KIAA1210: variants seen among roughly 807,000 people sequenced by gnomAD.
The protein encoded by KIAA1210 is acrosomal protein KIAA1210.
KIAA1210 carries 48 observed loss-of-function variants against 78.9 expected under a neutral mutation model. That is an observed-to-expected ratio of 0.61 (90% CI 0.48 to 0.77). The LOEUF (loss-of-function observed/expected upper bound fraction) is 0.77, where lower values mean the gene tolerates loss of function less well. Ranked by LOEUF, KIAA1210 falls within the 30% of genes least tolerant of loss-of-function variation. The probability of loss-of-function intolerance (pLI) is 0.00; values close to 1 mark genes in which losing one functional copy is unlikely to be tolerated. For missense variants in KIAA1210, 1,108 were observed against 1,100.0 expected (o/e 1.01, Z -0.10); for synonymous variants, 406 against 404.5 (o/e 1.00, Z -0.04).
intron 1 of KIAA1210, among the ~76,000 whole-genome samples, chrX:119,148,390 C>A (rs1241378407): frequency 9.0e-6 from 1 of 111,597 alleles, no homozygotes; most frequent in Non-Finnish European, 1.9e-5. Flanking sequence ...CTCTGGGGCC[C>A]ACTTTGTTTA....
At chrX:119,147,745 G>A (rs1182414686) in intron 1 of KIAA1210, among the ~76,000 whole-genome samples, 2 of 112,882 alleles carry the variant, frequency 1.8e-5, no homozygotes, top group Non-Finnish European at 3.7e-5. Flanking sequence ...GCCTGGAGAA[G>A]ACAGGCTTGG....
chrX:119,092,557 T>G (rs2316006), intron 8 of KIAA1210, among the ~76,000 whole-genome samples: 9 of 110,444 alleles, frequency 8.1e-5, no homozygotes, highest in African/African-American at 2.3e-4. Context: ...GTCAGGAGAT[T>G]GAGATCATCC....
chrX:119,117,876 G>T (rs900444178), intron 2 of KIAA1210, among the ~76,000 whole-genome samples: 1 of 111,324 alleles, frequency 9.0e-6, no homozygotes, highest in African/African-American at 3.3e-5. Context: ...GCCTCCCAAA[G>T]TGCTACAATT....
At position 119,108,323 on chromosome X, in the gene KIAA1210, T is replaced by C. The variant is rs761920700; in HGVS notation, c.492+14A>G. 2 of 1,203,887 alleles carry C rather than the reference T, an allele frequency of 1.7e-6. No homozygotes were observed. The highest frequency in any genetic ancestry group is 5.9e-5 in the East Asian group (2 of 33,696). ...ACTCAGCTGCCCATGCGCTGAACAA[T>C]TCCACTTTGTTACCTCAGTGATCTT... On this transcript the variant is annotated intron_variant, in intron 5 of 11. Coordinates refer to ENST00000691062, the MANE Select transcript of KIAA1210 (RefSeq NM_001394962.1).
In KIAA1210 at chrX:119,081,402, A is replaced by G; in HGVS notation, c.4529T>C (p.Ile1510Thr). The change falls in exon 12 of 12, where the codon ATT (isoleucine) becomes ACT (threonine). Residue 1510 changes from isoleucine to threonine, a missense_variant. Transcript: ENST00000691062. ...GGCCAGTGAGAACCAGACAGGCTCA[A>G]TTGGCTCAACTGGGTTCTGGAACTT... ...PAKFQNPVEP[I>T]EPVWFSLARK... is the part of the protein sequence containing the mutation. 2 of 1,210,760 alleles carry G rather than the reference A, an allele frequency of 1.7e-6. No individual in the cohort carries two copies. The highest frequency in any genetic ancestry group is 2.2e-6 in the Non-Finnish European group (2 of 894,829).
Position 119,086,781 on chromosome X carries a change from G to A in KIAA1210, c.3921C>T (p.Ala1307=). The change falls in exon 9 of 12, where the codon GCC becomes GCT. Residue 1307 remains alanine, a synonymous_variant. Transcript: ENST00000691062. ...EKLFGVRLKR[A]PPSQKYKSEK... is the part of the protein sequence containing the mutation. ...CACTCTTATACTTCTGCGAGGGAGGGGCTCTTTTCAGTCGAACTCCAAAAA... is the reference window on the plus strand; with the variant it reads ...CACTCTTATACTTCTGCGAGGGAGGAGCTCTTTTCAGTCGAACTCCAAAAA... 1 of 1,210,888 alleles carries A rather than the reference G, an allele frequency of 8.3e-7. No individual in the cohort carries two copies. Among genetic ancestry groups the A allele is most frequent in the Non-Finnish European group, 1.1e-6 (1 of 895,128 alleles).
chrX:119,133,710 C>T (rs1928849027), intron 2 of KIAA1210, among the ~76,000 whole-genome samples: 1 of 106,006 alleles, frequency 9.4e-6, no homozygotes, highest in African/African-American at 3.5e-5. Context: ...CGCTCTGTCG[C>T]CAGGCTGGAG....
chrX:119,101,027 C>T (rs892632902), intron 6 of KIAA1210, among the ~76,000 whole-genome samples: 1 of 111,927 alleles, frequency 8.9e-6, no homozygotes, highest in Non-Finnish European at 1.9e-5. Flanking sequence ...GACCTTGGGC[C>T]AGGGGAAAGG....
intron 1 of KIAA1210, chrX:119,150,238 T>A (rs1929261083): frequency 4.4e-6 from 5 of 1,124,664 alleles, no homozygotes; most frequent in South Asian, 2.0e-5. Flanking sequence ...CAGACTTGAG[T>A]CATTTCTTAC....
chrX:119,108,896 G>T (rs1788515371), intron 4 of KIAA1210, among the ~76,000 whole-genome samples, 180 bp downstream of exon 4: 1 of 110,530 alleles, frequency 9.0e-6, no homozygotes, highest in African/African-American at 3.3e-5. Flanking sequence ...CTGTGTGCCA[G>T]GTAATAGGCA....
intron 6 of KIAA1210, among the ~76,000 whole-genome samples, chrX:119,103,468 T>C (rs772107521): frequency 1.8e-5 from 2 of 111,780 alleles, no homozygotes; most frequent in Non-Finnish European, 3.8e-5. Flanking sequence ...TGTGGAGAGA[T>C]TGGAACCCTC....
chrX:119,104,674 G>T (rs1378737372), intron 6 of KIAA1210, among the ~76,000 whole-genome samples: 1 of 109,584 alleles, frequency 9.1e-6, no homozygotes, highest in African/African-American at 3.5e-5. Context: ...CCTAACCTCT[G>T]ATTTTTTTGG....
At chrX:119,092,525 G>T (rs993704559) in intron 8 of KIAA1210, among the ~76,000 whole-genome samples, 5 of 111,651 alleles carry the variant, frequency 4.5e-5, no homozygotes, top group Non-Finnish European at 9.4e-5. Context: ...ACTTTGGGAG[G>T]CCAAGGTGGG....
intron 6 of KIAA1210, among the ~76,000 whole-genome samples, chrX:119,099,314 T>C (rs1049410707): frequency 8.9e-6 from 1 of 112,402 alleles, no homozygotes; most frequent in African/African-American, 3.2e-5. Flanking sequence ...AGATTGGGTA[T>C]GTGCAGGACA....
rs756969727 is a variant in KIAA1210 at position 119,087,078 on chromosome X, A to G, written c.3624T>C (p.Ala1208=). 6 of 1,211,778 alleles carry G rather than the reference A, an allele frequency of 5.0e-6. No homozygotes were observed. Among genetic ancestry groups the G allele is most frequent in the Non-Finnish European group, 6.7e-6 (6 of 895,405 alleles). ...QVHSSSVNAA[A]RRSVFESNSD... ...AATTGCTCTCAAAAACAGATCGCCT[A>G]GCAGCAGCATTCACAGAACTTGAAT... Residue 1208 remains alanine, a synonymous_variant, in exon 9 of 12, where the codon GCT becomes GCC. Coordinates refer to ENST00000691062, the MANE Select transcript of KIAA1210 (RefSeq NM_001394962.1).
At chrX:119,112,080 G>A (rs774863388) in intron 3 of KIAA1210, among the ~76,000 whole-genome samples, 3 of 110,868 alleles carry the variant, frequency 2.7e-5, no homozygotes, top group Non-Finnish European at 3.8e-5. Context: ...AGAGCCGATG[G>A]CTTAAAAGTG....
At chrX:119,136,508 C>T (rs777309261) in intron 2 of KIAA1210, among the ~76,000 whole-genome samples, 4 of 110,858 alleles carry the variant, frequency 3.6e-5, no homozygotes, top group South Asian at 3.9e-4. Context: ...TGTCTTTGTC[C>T]CCAGAGGGCA....
chrX:119,092,678 T>A (rs1029871776), intron 8 of KIAA1210, among the ~76,000 whole-genome samples: 3 of 109,201 alleles, frequency 2.7e-5, no homozygotes, highest in Non-Finnish European at 5.7e-5. Flanking sequence ...GGAGAATTGC[T>A]TGAACTAGGG....
chrX:119,091,174 C>T (rs1328474706), intron 8 of KIAA1210, among the ~76,000 whole-genome samples: 5 of 112,018 alleles, frequency 4.5e-5, no homozygotes, highest in South Asian at 3.7e-4. Context: ...AAACACAACG[C>T]GATATCATCT....
Sources: allele counts gnomAD v4.1 joint callset (sites outside exome capture counted in the v4.1 genomes callset), GRCh38; gene constraint gnomAD v4.1.1; transcripts MANE v1.5; gene names NCBI Gene and HGNC (gene_info 2026-07-23, HGNC 2026-07-21).